Variants in HDAC4 observed in about 807,000 individuals in gnomAD.
HDAC4 encodes histone deacetylase A.
In HDAC4, 16 loss-of-function variants were observed where a neutral mutation model predicts 135.1. The ratio of observed to expected loss-of-function variants is 0.12; its 90% CI spans 0.08 to 0.18. The LOEUF is 0.18. HDAC4 is among the 10% of genes least tolerant of loss of function. The pLI, the probability that HDAC4 is intolerant of heterozygous loss-of-function variation, is 1.00. For synonymous variants in HDAC4, 685 were observed against 653.4 expected, an observed-to-expected ratio of 1.05 and a Z score of -0.74; for missense variants, 1,143 against 1,511.8, an observed-to-expected ratio of 0.76 and a Z score of 4.05.
chr2:239,398,571 C>T (rs1444981987), intron 1 of HDAC4, among the ~76,000 whole-genome samples: 1 of 152,258 alleles, frequency 6.6e-6, no homozygotes, highest in East Asian at 1.9e-4. Flanking sequence ...AGGTCTCTGG[C>T]CACAGAGTCC....
At chr2:239,207,977 T>C (rs1262645025) in intron 3 of HDAC4, among the ~76,000 whole-genome samples, 11 of 152,074 alleles carry the variant, frequency 7.2e-5, no homozygotes, top group African/African-American at 2.2e-4. Context: ...CTTAATCTAA[T>C]AGTCTATAGA....
chr2:239,192,331 C>G (rs1160799992), intron 3 of HDAC4, among the ~76,000 whole-genome samples: 2 of 151,732 alleles, frequency 1.3e-5, no homozygotes, highest in South Asian at 2.1e-4. Flanking sequence ...AGGACTGGAC[C>G]CTATTCATTT....
At chr2:239,302,072 C>G (rs4851969) in intron 2 of HDAC4, among the ~76,000 whole-genome samples, 20,331 of 152,182 alleles carry the variant, frequency 0.13, 2,023 homozygotes, top group East Asian at 0.43. Context: ...AAAATAATCT[C>G]TAATGATGCT....
chr2:239,243,294 A>C lies in HDAC4; in HGVS notation c.23-6630T>G, dbSNP rs192773738. 1.5e-3 allele frequency among the ~76,000 whole-genome samples: 232 copies of C among 152,112 alleles called. 2 individuals are homozygous for C. Among genetic ancestry groups the C allele is most frequent in the African/African-American group, 4.9e-3 (204 of 41,488 alleles). On this transcript the variant is annotated intron_variant, in intron 2 of 26. Coordinates refer to ENST00000543185, the MANE Select transcript of HDAC4 (RefSeq NM_001378414.1). Reference sequence around the variant, plus strand: ...CAGCCTCCCGAATAGGTGAGACTACAGGCACCCGCCACCAAGCCCAGCTAG... The same window carrying C: ...CAGCCTCCCGAATAGGTGAGACTACCGGCACCCGCCACCAAGCCCAGCTAG...
chr2:239,283,415 C>T (rs2050936130), intron 2 of HDAC4, among the ~76,000 whole-genome samples: 1 of 152,238 alleles, frequency 6.6e-6, no homozygotes, highest in Non-Finnish European at 1.5e-5. Context: ...CTCATGGCTA[C>T]CGCCCCCCAT....
chr2:239,380,217 C>A (rs983735600), intron 1 of HDAC4, among the ~76,000 whole-genome samples: 1 of 152,218 alleles, frequency 6.6e-6, no homozygotes, highest in Non-Finnish European at 1.5e-5. Context: ...CTGCGGAATG[C>A]GCGAGCTCTG....
At chr2:239,140,381 G>A (rs1169075093) in intron 8 of HDAC4, among the ~76,000 whole-genome samples, 3 of 152,130 alleles carry the variant, frequency 2.0e-5, no homozygotes, top group African/African-American at 7.2e-5. Context: ...TGGTTAATGA[G>A]ACCAGGTTCC....
intron 3 of HDAC4, among the ~76,000 whole-genome samples, chr2:239,207,016 C>T (rs537650213): frequency 2.6e-5 from 4 of 152,228 alleles, no homozygotes; most frequent in African/African-American, 4.8e-5. Flanking sequence ...GAGGCCTAAA[C>T]GCAAGTACTG....
chr2:239,374,317 T>C (rs960234991), intron 1 of HDAC4, among the ~76,000 whole-genome samples: 3 of 146,196 alleles, frequency 2.1e-5, no homozygotes, highest in Non-Finnish European at 4.5e-5. Context: ...GAAATGACAA[T>C]GATGCCGACA....
At chr2:239,145,335 C>T (rs921785216) in intron 7 of HDAC4, among the ~76,000 whole-genome samples, 6 of 152,098 alleles carry the variant, frequency 3.9e-5, no homozygotes, top group East Asian at 1.9e-4. Context: ...ACATCTGCGC[C>T]GGCTTCACCT....
rs898864861 is a variant in HDAC4 at position 239,262,140 on chromosome 2, C to T, written c.23-25476G>A. On this transcript the variant is annotated intron_variant, in intron 2 of 26. Transcript: ENST00000543185. This position sits in a 1 kb window ranked among gnomAD's most constrained non-coding sequence, Gnocchi z 4.1. ...GCAGTGACGCCGGGCCACGCTCACC[C>T]CAAGGCCCAAGAAGGAGCCACGGTC... 2.0e-5 allele frequency among the ~76,000 whole-genome samples: 3 copies of T among 152,164 alleles called. No individual in the cohort carries two copies. The highest frequency in any genetic ancestry group is 2.0e-4 in the Admixed American group (3 of 15,284).
chr2:239,116,102 G>A lies in HDAC4; in HGVS notation c.1534-792C>T, dbSNP rs534651729. ...CCCGGCCTCTCAGTGCGGAACAGGC[G>A]GCAGGTGCTCCTCTCCTGCTCCCCG... On this transcript the variant is annotated intron_variant, in intron 12 of 26. Transcript: ENST00000543185. Among the ~76,000 whole-genome samples, 5 of 152,242 alleles carry A rather than the reference G, an allele frequency of 3.3e-5. No individual in the cohort carries two copies. The East Asian group carries it at 5.8e-4, about 18-fold the overall frequency.
At position 239,264,308 on chromosome 2, in the gene HDAC4, G is replaced by A. The variant is rs561336844; in HGVS notation, c.23-27644C>T. On this transcript the variant is annotated intron_variant, in intron 2 of 26. Coordinates refer to ENST00000543185, the MANE Select transcript of HDAC4 (RefSeq NM_001378414.1). ...TTCCATTCAGCTTCGGTTTGCAAAT[G>A]GAAGCACAGGCATTTCCAAATGCAG... Among the ~76,000 whole-genome samples, 15 of 152,356 alleles carry A rather than the reference G, an allele frequency of 9.8e-5. No homozygotes were observed. In the South Asian group the frequency reaches 3.1e-3, roughly 32 times the overall value.
Position 239,082,199 on chromosome 2 carries a change from G to A in HDAC4, c.2555C>T (p.Thr852Ile), listed in dbSNP as rs1574949245. The A allele has an allele frequency of 6.2e-7, 1 of 1,614,222 alleles. No homozygotes were observed. Among genetic ancestry groups the A allele is most frequent in the East Asian group, 2.2e-5 (1 of 44,868 alleles). The change falls in exon 21 of 27, where the codon ACC (threonine) becomes ATC (isoleucine). Residue 852 changes from threonine (T) to isoleucine (I), a missense_variant. Coordinates refer to ENST00000543185, the MANE Select transcript of HDAC4 (RefSeq NM_001378414.1). ...GGGGTCGCTGTAGAAAGCCTGCTGGGTCCCGTTTCCATGGTGCACGTCCTT... is the reference window on the plus strand; with the variant it reads ...GGGGTCGCTGTAGAAAGCCTGCTGGATCCCGTTTCCATGGTGCACGTCCTT... ...VDWDVHHGNG[T>I]QQAFYSDPSV...
chr2:239,398,328 G>C (rs533546880), intron 1 of HDAC4, among the ~76,000 whole-genome samples: 1 of 152,298 alleles, frequency 6.6e-6, no homozygotes, highest in African/African-American at 2.4e-5. Flanking sequence ...GCATAAAGTC[G>C]CCTTTCCTTT....
intron 2 of HDAC4, among the ~76,000 whole-genome samples, chr2:239,241,758 T>C (rs553229175): frequency 3.9e-5 from 6 of 152,132 alleles, no homozygotes; most frequent in Non-Finnish European, 8.8e-5. Context: ...GGGTTTGGGG[T>C]ATGTTTTCCT....
intron 26 of HDAC4, 138 bp from the exon 27 acceptor site, chr2:239,053,274 G>A (rs563678123): frequency 1.5e-6 from 2 of 1,343,766 alleles, no homozygotes; most frequent in East Asian, 4.6e-5. Flanking sequence ...GGGTCCATCT[G>A]TTCAGGATCT....
chr2:239,401,342 C>A (rs1696983076), upstream of HDAC4: 1 of 152,994 alleles, frequency 6.5e-6, no homozygotes, highest in African/African-American at 2.4e-5. Flanking sequence ...CCCGCCTCCC[C>A]GCACGCGTCC....
chr2:239,295,515 C>A (rs978959261), intron 2 of HDAC4, among the ~76,000 whole-genome samples: 1 of 152,058 alleles, frequency 6.6e-6, no homozygotes, highest in African/African-American at 2.4e-5. Context: ...CTCCTTCATA[C>A]GCCTTTGTCC....
Sources: allele counts gnomAD v4.1 joint callset (sites outside exome capture counted in the v4.1 genomes callset), GRCh38; gene constraint gnomAD v4.1.1; non-coding constraint Gnocchi (gnomAD v3.1); transcripts MANE v1.5; gene names NCBI Gene and HGNC (gene_info 2026-07-23, HGNC 2026-07-21).